The following FAM114A1 variants were observed in gnomAD, a reference collection of about 807,000 sequenced individuals.
The protein encoded by FAM114A1 is family with sequence similarity 114 member A1.
Under a neutral mutation model 64.3 loss-of-function variants are expected in FAM114A1, and 62 were observed. The ratio of observed to expected loss-of-function variants is 0.96; its 90% CI spans 0.79 to 1.19. FAM114A1 has a LOEUF of 1.19. Among genes scored for constraint, FAM114A1 ranks in the 50% most tolerant of loss-of-function variants. FAM114A1 has a pLI of 0.00. For missense variants in FAM114A1, 645 were observed against 676.3 expected, an observed-to-expected ratio of 0.95 and a Z score of 0.51; for synonymous variants, 254 against 251.1, an observed-to-expected ratio of 1.01 and a Z score of -0.11.
chr4:38,868,026 G>A (rs1319443100), intron 1 of FAM114A1, 192 bp downstream of exon 1: 2 of 423,014 alleles, frequency 4.7e-6, no homozygotes, highest in Non-Finnish European at 9.6e-6. Context: ...GGGGCGGCGC[G>A]GCCGAGGGAC....
At chr4:38,872,890 A>G (rs1377891230) in intron 2 of FAM114A1, among the ~76,000 whole-genome samples, 2 of 152,264 alleles carry the variant, frequency 1.3e-5, no homozygotes, top group African/African-American at 4.8e-5. Flanking sequence ...TGTGTTTACC[A>G]AAACAGGCAG....
chr4:38,906,580 G>A (rs1718029347), intron 6 of FAM114A1, among the ~76,000 whole-genome samples: 1 of 152,108 alleles, frequency 6.6e-6, no homozygotes, highest in African/African-American at 2.4e-5. Context: ...TGTCACCTAG[G>A]CTGGCGTGCA....
rs187985208 is a variant in FAM114A1 at position 38,906,269 on chromosome 4, G to A, written c.657+408G>A. On this transcript the variant is annotated intron_variant, in intron 6 of 14. Transcript: ENST00000358869. ...TAAACCGTTTAAATAAAAAGTACCC[G>A]TTACAAGACAGGAAAAACAGCCCAA... Among the ~76,000 whole-genome samples the A allele has an allele frequency of 1.7e-3, 263 of 152,168 alleles. 3 individuals carry two copies. The highest frequency in any genetic ancestry group is 6.1e-3 in the African/African-American group (255 of 41,524).
At chr4:38,926,424 C>A (rs1214208734) in intron 9 of FAM114A1, among the ~76,000 whole-genome samples, 1 of 151,968 alleles carries the variant, frequency 6.6e-6, no homozygotes, top group Non-Finnish European at 1.5e-5. Context: ...TGGAATCAAT[C>A]TAGCTCTCTA....
intron 4 of FAM114A1, among the ~76,000 whole-genome samples, chr4:38,902,205 G>C (rs1409732934): frequency 6.6e-6 from 1 of 152,154 alleles, no homozygotes; most frequent in East Asian, 1.9e-4. Flanking sequence ...AGTTTTCTCA[G>C]TTGTGAAATG....
At position 38,894,162 on chromosome 4, in the gene FAM114A1, C is replaced by CAA. The variant is rs60660305; in HGVS notation, c.436+2357_436+2358dup. Among the ~76,000 whole-genome samples, 12 of 80,348 alleles carry CAA rather than the reference C, an allele frequency of 1.5e-4. 1 individual carries two copies. The highest frequency in any genetic ancestry group is 4.0e-4 in the African/African-American group (8 of 19,788). 52.7% of individuals were successfully genotyped at this position (80,348 alleles called of 152,430 possible). A position where few individuals can be genotyped will look rare whatever the true frequency, so the allele number is the denominator to read the frequency against. ...TGGGCAATAGAATGAGAGTATGTCT[C>CAA]AAAAAAAAAAAAAAAAAAAAAAAAA... On this transcript the variant is annotated intron_variant, in intron 4 of 14. Coordinates refer to ENST00000358869, the MANE Select transcript of FAM114A1 (RefSeq NM_138389.4).
At chr4:38,897,777 TAA>T (rs551318806) in intron 4 of FAM114A1, among the ~76,000 whole-genome samples, 1 of 145,024 alleles carries the variant, frequency 6.9e-6, no homozygotes, top group Non-Finnish European at 1.5e-5. Flanking sequence ...CCATCTCTAC[TAA>T]AAAAAAAAAA....
chr4:38,915,879 G>A (rs1352837558), intron 8 of FAM114A1, among the ~76,000 whole-genome samples: 1 of 151,842 alleles, frequency 6.6e-6, no homozygotes, highest in Non-Finnish European at 1.5e-5. Context: ...GTATATATGT[G>A]GCTGTTTTGT....
intron 8 of FAM114A1, among the ~76,000 whole-genome samples, chr4:38,916,041 G>A (rs1007653020): frequency 6.6e-6 from 1 of 152,166 alleles, no homozygotes; most frequent in Non-Finnish European, 1.5e-5. Context: ...GTGAGCCTTA[G>A]AATGGAGAAG....
intron 4 of FAM114A1, among the ~76,000 whole-genome samples, chr4:38,892,144 T>C (rs1418940292): frequency 6.6e-6 from 1 of 152,202 alleles, no homozygotes; most frequent in Non-Finnish European, 1.5e-5. Flanking sequence ...AGCCACTATA[T>C]TATATGGTCT....
chr4:38,905,540 T>A lies in FAM114A1; in HGVS notation c.455T>A (p.Val152Asp). The A allele has an allele frequency of 6.2e-7, 1 of 1,614,074 alleles. No homozygotes were observed. Among genetic ancestry groups the A allele is most frequent in the Non-Finnish European group, 8.5e-7 (1 of 1,179,972 alleles). ...SATVGHGLTA[V>D]KEKAGATLRI... is the part of the protein sequence containing the mutation. ...CCAACAGGTCATGGATTGACGGCAGTCAAGGAAAAAGCAGGAGCCACTCTA... is the reference window on the plus strand; with the variant it reads ...CCAACAGGTCATGGATTGACGGCAGACAAGGAAAAAGCAGGAGCCACTCTA... Residue 152 changes from valine to aspartate, a missense_variant, in exon 5 of 15, where the codon GTC becomes GAC. Transcript: ENST00000358869.
intron 12 of FAM114A1, 22 bp from the exon 13 acceptor site, chr4:38,935,679 ATTGAAAACATCCAAGCT>A: frequency 6.9e-7 from 1 of 1,439,322 alleles, no homozygotes. Context: ...ATTTTACCTT[ATTGAAAACATCCAAGCT>A]TTTTTTTTTT....
chr4:38,878,064 T>C lies in FAM114A1; in HGVS notation c.-8-7T>C, dbSNP rs1363858989. The stretch of plus-strand genomic sequence containing the variant: ...AAAGCATGAGGTGTTTATAATTGTG[T>C]TGACAGATACTAAAATGTCTGATGA... On this transcript the variant is annotated splice_polypyrimidine_tract_variant and splice_region_variant and intron_variant, in intron 2 of 14. Coordinates refer to ENST00000358869, the MANE Select transcript of FAM114A1 (RefSeq NM_138389.4). 1 of 1,585,538 alleles carries C rather than the reference T, an allele frequency of 6.3e-7. No homozygotes were observed. Among genetic ancestry groups the C allele is most frequent in the Admixed American group, 1.7e-5 (1 of 58,430 alleles).
chr4:38,901,588 G>A (rs567763514), intron 4 of FAM114A1, among the ~76,000 whole-genome samples: 5 of 152,200 alleles, frequency 3.3e-5, no homozygotes, highest in East Asian at 1.9e-4. Context: ...CACCATGCCC[G>A]GTCCATCATA....
intron 4 of FAM114A1, among the ~76,000 whole-genome samples, chr4:38,894,735 C>T (rs1357283329): frequency 6.6e-6 from 1 of 152,182 alleles, no homozygotes; most frequent in Admixed American, 6.5e-5. Flanking sequence ...ATGACATTTG[C>T]ACATTCCTCA....
rs1476985001 is a variant in FAM114A1 at position 38,878,355 on chromosome 4, G to T, written c.277G>T (p.Glu93Ter). The change falls in exon 3 of 15, where the codon GAA becomes TAA. Residue 93 changes from glutamate (E) to a stop codon, truncating the protein, a stop_gained. Transcript: ENST00000358869. LOFTEE classifies it high-confidence loss of function. ...AGACGTGACTGAGGATACACTTGCT[G>T]AATGTATTGATTCCGTCAGCCTTGA... ...NGDVTEDTLAECIDSVSLEAE... is the reference protein window; with the variant it reads ...NGDVTEDTLA The T allele has an allele frequency of 6.2e-7, 1 of 1,613,902 alleles. No homozygotes were observed. Among genetic ancestry groups the T allele is most frequent in the Admixed American group, 1.7e-5 (1 of 59,990 alleles).
chr4:38,878,315 G>C lies in FAM114A1; in HGVS notation c.237G>C (p.Glu79Asp). ...PVQPQDANAL[E>D]PPLNGDVTED... Reference sequence around the variant, plus strand: ...AGCCTCAGGATGCCAACGCCCTGGAGCCCCCTCTCAATGGAGACGTGACTG... The same window carrying C: ...AGCCTCAGGATGCCAACGCCCTGGACCCCCCTCTCAATGGAGACGTGACTG... Residue 79 changes from glutamate to aspartate, a missense_variant, in exon 3 of 15, where the codon GAG becomes GAC. Coordinates refer to ENST00000358869, the MANE Select transcript of FAM114A1 (RefSeq NM_138389.4). 1.2e-6 allele frequency: 2 copies of C among 1,614,242 alleles called. No individual in the cohort carries two copies. Among genetic ancestry groups the C allele is most frequent in the South Asian group, 1.1e-5 (1 of 91,090 alleles).
At chr4:38,892,677 G>C (rs150860798) in intron 4 of FAM114A1, among the ~76,000 whole-genome samples, 6 of 152,206 alleles carry the variant, frequency 3.9e-5, no homozygotes, top group Admixed American at 1.3e-4. Context: ...AGAAGATAGG[G>C]GAAGCCACAG....
chr4:38,936,057 T>TTTTG lies in FAM114A1; in HGVS notation c.1536+284_1536+287dup, dbSNP rs575636251. 5.0e-3 allele frequency among the ~76,000 whole-genome samples: 766 copies of TTTTG among 152,052 alleles called. 6 individuals carry two copies. The highest frequency in any genetic ancestry group is 0.017 in the African/African-American group (711 of 41,460). ...CCTCTGTGGCCCTTATTTTCTTTGT[T>TTTTG]TTTGTTTGTTTGTTTGTTTGATTTT... On this transcript the variant is annotated intron_variant, in intron 13 of 14. Coordinates refer to ENST00000358869, the MANE Select transcript of FAM114A1 (RefSeq NM_138389.4).
Sources: gnomAD v4.1 joint callset for allele counts (sites outside exome capture counted in the v4.1 genomes callset) on GRCh38, gnomAD v4.1.1 for gene constraint, MANE v1.5 for transcripts, NCBI Gene and HGNC (gene_info 2026-07-23, HGNC 2026-07-21) for gene names.